The following GLI2 variants were observed in gnomAD, a reference collection of about 807,000 sequenced individuals.
The protein encoded by GLI2 is GLI family zinc finger 2.
In GLI2, 22 loss-of-function variants were observed where a neutral mutation model predicts 78.9. The ratio of observed to expected loss-of-function variants is 0.28; its 90% CI spans 0.20 to 0.40. The LOEUF (loss-of-function observed/expected upper bound fraction) is 0.40, where lower values mean the gene tolerates loss of function less well. Among genes scored for constraint, GLI2 ranks in the 10% least tolerant of loss-of-function variants. The probability of loss-of-function intolerance (pLI) is 1.00; values close to 1 mark genes in which losing one functional copy is unlikely to be tolerated. For missense variants in GLI2, 2,097 were observed against 2,213.2 expected, an observed-to-expected ratio of 0.95 and a Z score of 1.05; for synonymous variants, 974 against 963.7, an observed-to-expected ratio of 1.01 and a Z score of -0.20.
chr2:120,771,524 T>C (rs1260185679), intron 1 of GLI2, among the ~76,000 whole-genome samples: 1 of 128,096 alleles, frequency 7.8e-6, no homozygotes, highest in African/African-American at 3.5e-5. Context: ...TTTTGCCATC[T>C]TCTGTGAAGA....
rs116679029 is a variant in GLI2 at position 120,958,074 on chromosome 2, G to A, written c.643+2644G>A. On this transcript the variant is annotated intron_variant, in intron 5 of 13. Coordinates refer to ENST00000361492, the MANE Select transcript of GLI2 (RefSeq NM_001374353.1). ...GGAGCCAGAGGGGAGAAGTAGTACA[G>A]CGAGCTCCAGGGCAGGCCTGGGTCA... Among the ~76,000 whole-genome samples, 1,306 of 152,320 alleles carry A rather than the reference G, an allele frequency of 8.6e-3. 17 individuals carry two copies. Among genetic ancestry groups the A allele is most frequent in the African/African-American group, 0.028 (1,166 of 41,590 alleles).
At chr2:120,754,045 G>A (rs1682966058) in intron 1 of GLI2, among the ~76,000 whole-genome samples, 1 of 152,110 alleles carries the variant, frequency 6.6e-6, no homozygotes, top group Non-Finnish European at 1.5e-5. Context: ...GTGTTATGTG[G>A]ATATATTGCG....
chr2:120,830,428 CTG>C (rs1207010652), intron 2 of GLI2, among the ~76,000 whole-genome samples: 4 of 152,084 alleles, frequency 2.6e-5, no homozygotes, highest in Non-Finnish European at 4.4e-5. Flanking sequence ...CTTGCCAAGC[CTG>C]TGTGTGTGTG....
At chr2:120,855,988 G>C (rs1260550680) in intron 2 of GLI2, among the ~76,000 whole-genome samples, 1 of 152,120 alleles carries the variant, frequency 6.6e-6, no homozygotes, top group Non-Finnish European at 1.5e-5. Flanking sequence ...CTTGGATCTG[G>C]GGACCTGGAT....
At chr2:120,899,751 T>A (rs1678163531) in intron 2 of GLI2, among the ~76,000 whole-genome samples, 1 of 152,168 alleles carries the variant, frequency 6.6e-6, no homozygotes, top group Non-Finnish European at 1.5e-5. Context: ...GAGGGTTAAG[T>A]GAAGTCATCG....
At chr2:120,884,787 G>T (rs1015082658) in intron 2 of GLI2, among the ~76,000 whole-genome samples, 3 of 152,182 alleles carry the variant, frequency 2.0e-5, no homozygotes, top group Non-Finnish European at 4.4e-5. Context: ...CCAGCCACAG[G>T]CTTCTGCTCA....
chr2:120,884,125 G>A (rs745548857), intron 2 of GLI2, among the ~76,000 whole-genome samples: 1 of 152,178 alleles, frequency 6.6e-6, no homozygotes, highest in Non-Finnish European at 1.5e-5. Context: ...CAGCTTTCCT[G>A]GCCTAGGTCA....
chr2:120,798,471 G>A (rs6752063), intron 2 of GLI2, among the ~76,000 whole-genome samples: 8,137 of 152,294 alleles, frequency 0.053, 720 homozygotes, highest in African/African-American at 0.18. Flanking sequence ...TTAGGAGTTG[G>A]TGCTTCTACG....
At chr2:120,834,171 TG>T (rs1255983207) in intron 2 of GLI2, among the ~76,000 whole-genome samples, 1 of 152,126 alleles carries the variant, frequency 6.6e-6, no homozygotes, top group Non-Finnish European at 1.5e-5. Flanking sequence ...AGGGGAGAGT[TG>T]CCATTGAAAA....
intron 1 of GLI2, among the ~76,000 whole-genome samples, chr2:120,787,637 C>T (rs1197526058): frequency 1.3e-5 from 2 of 152,210 alleles, no homozygotes; most frequent in African/African-American, 4.8e-5. Flanking sequence ...ACTCAGGAAT[C>T]GCGCTTCAGG....
At chr2:120,791,306 G>C (rs1029611698) in intron 1 of GLI2, among the ~76,000 whole-genome samples, 3 of 152,168 alleles carry the variant, frequency 2.0e-5, no homozygotes, top group Admixed American at 6.5e-5. Flanking sequence ...AGCCCGCTTT[G>C]CTCCTAGGCT....
intron 2 of GLI2, among the ~76,000 whole-genome samples, chr2:120,892,281 G>A (rs957570323): frequency 6.6e-6 from 1 of 152,200 alleles, no homozygotes; most frequent in African/African-American, 2.4e-5. Context: ...GTGGGCCTGA[G>A]CCGCCTGCTC....
chr2:120,990,365 A>C lies in GLI2; in HGVS notation c.4400A>C (p.Gln1467Pro), dbSNP rs1348855997. Residue 1467 changes from glutamine to proline, a missense_variant, in exon 14 of 14, where the codon CAG becomes CCG. Transcript: ENST00000361492. ...CCACAGGCCTGTCAGGACAGCATCC[A>C]GCCCCAGCCCTTGCCCTCACCAGGG... The part of the protein sequence containing the change: ...PQPQACQDSI[Q>P]PQPLPSPGVN... The C allele has an allele frequency of 6.2e-7, 1 of 1,614,040 alleles. No homozygotes were observed. Among genetic ancestry groups the C allele is most frequent in the African/African-American group, 1.3e-5 (1 of 75,048 alleles).
intron 1 of GLI2, among the ~76,000 whole-genome samples, chr2:120,758,036 T>C (rs561129436): frequency 3.3e-5 from 5 of 152,284 alleles, no homozygotes; most frequent in African/African-American, 1.2e-4. Context: ...GTGTGAGTGG[T>C]CCACTGTAAG....
Position 120,990,648 on chromosome 2 carries a change from G to A in GLI2, c.4683G>A (p.Glu1561=). ...MSSMLTSLAE[E]SKFLNMMT ...CCATGCTCACCAGCCTCGCCGAGGA[G>A]AGCAAGTTCCTGAACATGATGACCT... is the stretch of plus-strand genomic sequence containing the variant. The change falls in exon 14 of 14, where the codon GAG becomes GAA. Residue 1561 remains glutamate, a synonymous_variant. Coordinates refer to ENST00000361492, the MANE Select transcript of GLI2 (RefSeq NM_001374353.1). 6.2e-7 allele frequency: 1 copy of A among 1,612,862 alleles called. No homozygotes were observed. The highest frequency in any genetic ancestry group is 8.5e-7 in the Non-Finnish European group (1 of 1,179,582).
chr2:120,938,958 G>A (rs1680323516), intron 3 of GLI2, among the ~76,000 whole-genome samples: 1 of 152,140 alleles, frequency 6.6e-6, no homozygotes, highest in Non-Finnish European at 1.5e-5. Context: ...AAAAAAATTG[G>A]TCTTATTGAT....
At chr2:120,889,300 C>T (rs1345932987) in intron 2 of GLI2, among the ~76,000 whole-genome samples, 3 of 151,996 alleles carry the variant, frequency 2.0e-5, no homozygotes, top group Non-Finnish European at 4.4e-5. Context: ...AGCCAGCCCT[C>T]AGAAGATGGT....
intron 1 of GLI2, among the ~76,000 whole-genome samples, chr2:120,749,376 T>A (rs1682797459): frequency 6.6e-6 from 1 of 152,074 alleles, no homozygotes; most frequent in African/African-American, 2.4e-5. Context: ...GAGCTGTATT[T>A]TAAAAAAAAA....
intron 11 of GLI2, among the ~76,000 whole-genome samples, chr2:120,983,899 G>A (rs4550670): frequency 0.63 from 96,208 of 151,752 alleles, 31,472 homozygotes; most frequent in Non-Finnish European, 0.73. Flanking sequence ...GCACATGTGT[G>A]TATGTGTGTT....
Sources: gnomAD v4.1 joint callset for allele counts (sites outside exome capture counted in the v4.1 genomes callset) on GRCh38, gnomAD v4.1.1 for gene constraint, MANE v1.5 for transcripts, NCBI Gene and HGNC (gene_info 2026-07-23, HGNC 2026-07-21) for gene names.